Variants in ZBTB7C observed in about 807,000 individuals in gnomAD.
ZBTB7C encodes zinc finger and BTB domain containing 7C, also known as zinc finger and BTB domain-containing protein 7C.
A neutral mutation model predicts 25.7 loss-of-function variants in ZBTB7C; 8 were observed. The observed-to-expected ratio is 0.31, with a 90% confidence interval of 0.18 to 0.56. The LOEUF is 0.56. Among genes scored for constraint, ZBTB7C ranks in the 20% least tolerant of loss-of-function variants. The pLI, the probability that ZBTB7C is intolerant of heterozygous loss-of-function variation, is 0.91. For missense variants in ZBTB7C, 824 were observed against 855.2 expected (o/e 0.96, Z 0.46); for synonymous variants, 394 against 369.0 (o/e 1.07, Z -0.78).
At chr18:48,331,139 A>T (rs1274840215) in intron 2 of ZBTB7C, among the ~76,000 whole-genome samples, 1 of 152,024 alleles carries the variant, frequency 6.6e-6, no homozygotes, top group East Asian at 1.9e-4. Context: ...TGCTTCCCCA[A>T]TTCCATCATG....
intron 1 of ZBTB7C, among the ~76,000 whole-genome samples, chr18:48,374,849 G>A (rs1235454991): frequency 2.0e-5 from 3 of 152,226 alleles, no homozygotes; most frequent in Non-Finnish European, 4.4e-5. Context: ...CCATCACATA[G>A]CAGACACAAG....
chr18:48,324,663 G>A (rs2046177149), intron 2 of ZBTB7C, among the ~76,000 whole-genome samples: 1 of 152,148 alleles, frequency 6.6e-6, no homozygotes. Context: ...GCCCTGAGAA[G>A]AATATCTTAC....
At chr18:48,334,691 T>C (rs1443686071) in intron 2 of ZBTB7C, among the ~76,000 whole-genome samples, 3 of 152,200 alleles carry the variant, frequency 2.0e-5, no homozygotes, top group African/African-American at 7.2e-5. Context: ...AGAACAGCCA[T>C]ATTTCGTGAC....
chr18:48,349,702 C>T (rs532934415), intron 1 of ZBTB7C, among the ~76,000 whole-genome samples: 7 of 152,242 alleles, frequency 4.6e-5, no homozygotes, highest in East Asian at 1.9e-4. Flanking sequence ...GCCAGCCACA[C>T]GCAGGGGAAT....
chr18:48,139,471 G>T (rs1203387683), intron 3 of ZBTB7C, among the ~76,000 whole-genome samples: 1 of 152,096 alleles, frequency 6.6e-6, no homozygotes, highest in Non-Finnish European at 1.5e-5. Context: ...CCTAGCCAGG[G>T]TTCCAGTCCC....
chr18:48,332,420 C>A (rs1326325072), intron 2 of ZBTB7C, among the ~76,000 whole-genome samples: 6 of 152,136 alleles, frequency 3.9e-5, no homozygotes, highest in Non-Finnish European at 8.8e-5. Context: ...AGCTGGCTGT[C>A]CCACTTGTAG....
intron 2 of ZBTB7C, among the ~76,000 whole-genome samples, chr18:48,261,179 G>C (rs2044160721): frequency 6.6e-6 from 1 of 152,188 alleles, no homozygotes; most frequent in African/African-American, 2.4e-5. Context: ...AAGATTGAAT[G>C]TGTTGGAGAA....
At chr18:48,077,127 G>T in intron 3 of ZBTB7C, 3 of 441,752 alleles carry the variant, frequency 6.8e-6, no homozygotes, top group Non-Finnish European at 9.0e-6. Context: ...GGCAATACAG[G>T]CTCTCTTTAA....
chr18:48,254,161 G>A (rs561559901), intron 2 of ZBTB7C, among the ~76,000 whole-genome samples: 17 of 152,346 alleles, frequency 1.1e-4, no homozygotes, highest in South Asian at 1.0e-3. Context: ...CCCAAACCAT[G>A]TTCTAATAAA....
intron 3 of ZBTB7C, among the ~76,000 whole-genome samples, chr18:48,178,280 C>T (rs2041753311): frequency 6.6e-6 from 1 of 152,336 alleles, no homozygotes; most frequent in Middle Eastern, 3.4e-3. Flanking sequence ...GCACGGGAGG[C>T]CCCACATTGC....
In ZBTB7C at chr18:48,243,270, C is replaced by CAAA. The variant is rs57410285; in HGVS notation, c.-78-57278_-78-57276dup. ...CAGAGCAAGACTCTCTACCCCCCCA[C>CAAA]AAAAAAAAAAAAAAAAAAAAGCTCC... On this transcript the variant is annotated intron_variant, in intron 2 of 4. Coordinates refer to ENST00000590800, the MANE Select transcript of ZBTB7C (RefSeq NM_001318841.2). Among the ~76,000 whole-genome samples the CAAA allele has an allele frequency of 7.1e-4, 63 of 88,232 alleles. 1 individual carries two copies. Among genetic ancestry groups the CAAA allele is most frequent in the South Asian group, 1.8e-3 (4 of 2,202 alleles). The allele number at this position is 88,232 out of a possible 152,430, so 57.9% of individuals were successfully genotyped here.
intron 3 of ZBTB7C, among the ~76,000 whole-genome samples, chr18:48,046,591 TCCTTA>T (rs1252633098): frequency 1.3e-5 from 2 of 152,224 alleles, no homozygotes; most frequent in African/African-American, 4.8e-5. Context: ...TTCCCACCAT[TCCTTA>T]AACTTTACTC....
In ZBTB7C at chr18:48,028,942, C is replaced by A; in HGVS notation, c.*318G>T. 2.8e-6 allele frequency: 1 copy of A among 351,168 alleles called. No homozygotes were observed. The highest frequency in any genetic ancestry group is 3.5e-5 in the South Asian group (1 of 28,908). The allele number at this position is 351,168 out of a possible 1,614,324, so 21.8% of individuals were successfully genotyped here. On this transcript the variant is annotated 3_prime_UTR_variant, in exon 5 of 5. Coordinates refer to ENST00000590800, the MANE Select transcript of ZBTB7C (RefSeq NM_001318841.2). ...AACCACCCCCTGACCCCTCATGACT[C>A]ACCCAGCTCCTAAGTGCCCCTGGGC...
chr18:48,243,478 G>C (rs181283297), intron 2 of ZBTB7C, among the ~76,000 whole-genome samples: 1 of 151,942 alleles, frequency 6.6e-6, no homozygotes, highest in African/African-American at 2.4e-5. Context: ...GGAGATGAAA[G>C]ACCTCTACAA....
Position 48,111,036 on chromosome 18 carries a change from G to A in ZBTB7C, c.-16-69913C>T, listed in dbSNP as rs145228344. ...AGCCAGGCCAAGGACCGCCTGGACT[G>A]TCTGGGGAGCAAACCAGCCTCCAGC... On this transcript the variant is annotated intron_variant, in intron 3 of 4. Transcript: ENST00000590800. 6.6e-3 allele frequency among the ~76,000 whole-genome samples: 1,004 copies of A among 152,308 alleles called. 5 individuals carry two copies. The highest frequency in any genetic ancestry group is 0.011 in the Non-Finnish European group (755 of 68,028).
intron 1 of ZBTB7C, among the ~76,000 whole-genome samples, chr18:48,391,822 G>C (rs1434813560): frequency 6.6e-6 from 1 of 152,172 alleles, no homozygotes; most frequent in African/African-American, 2.4e-5. Flanking sequence ...CTAGGGCCTC[G>C]CTTGGAGAAC....
chr18:48,377,647 C>T (rs1260335032), intron 1 of ZBTB7C, among the ~76,000 whole-genome samples: 2 of 152,174 alleles, frequency 1.3e-5, no homozygotes, highest in African/African-American at 4.8e-5. Flanking sequence ...AGCATAAATA[C>T]ACAAGAATGG....
chr18:48,139,974 G>A (rs548570637), intron 3 of ZBTB7C, among the ~76,000 whole-genome samples: 163 of 152,150 alleles, frequency 1.1e-3, no homozygotes, highest in African/African-American at 3.7e-3. Flanking sequence ...CCGCCTTCCC[G>A]GTTCAGGTCA....
In ZBTB7C at chr18:48,380,701, T is replaced by A. The variant is rs188620348; in HGVS notation, c.-304+28525A>T. 4.9e-4 allele frequency among the ~76,000 whole-genome samples: 74 copies of A among 152,222 alleles called. 1 individual carries two copies. Among genetic ancestry groups the A allele is most frequent in the Non-Finnish European group, 8.7e-4 (59 of 67,982 alleles). ...GACTAAATGTAATGTGGTATCCCGATGGGATCCTGAAACAAGAAAAACATT... is the reference window on the plus strand; with the variant it reads ...GACTAAATGTAATGTGGTATCCCGAAGGGATCCTGAAACAAGAAAAACATT... On this transcript the variant is annotated intron_variant, in intron 1 of 4. Coordinates refer to ENST00000590800, the MANE Select transcript of ZBTB7C (RefSeq NM_001318841.2).
Sources: gnomAD v4.1 joint callset for allele counts (sites outside exome capture counted in the v4.1 genomes callset) on GRCh38, gnomAD v4.1.1 for gene constraint, MANE v1.5 for transcripts, NCBI Gene and HGNC (gene_info 2026-07-23, HGNC 2026-07-21) for gene names.